Variants in UBXN4 observed in about 807,000 individuals in gnomAD.
The protein encoded by UBXN4 is UBX domain-containing protein 4.
UBXN4 carries 35 observed loss-of-function variants against 66.2 expected under a neutral mutation model. The observed-to-expected ratio is 0.53, with a 90% confidence interval of 0.40 to 0.70. The LOEUF (loss-of-function observed/expected upper bound fraction) is 0.70. UBXN4 is among the 30% of genes least tolerant of loss of function. The pLI, the probability that UBXN4 is intolerant of heterozygous loss-of-function variation, is 0.00. For missense variants in UBXN4, 533 were observed against 599.8 expected, an observed-to-expected ratio of 0.89 and a Z score of 1.16; for synonymous variants, 203 against 204.5, an observed-to-expected ratio of 0.99 and a Z score of 0.06.
chr2:135,755,014 C>A (rs536973916), intron 4 of UBXN4, among the ~76,000 whole-genome samples: 2 of 152,236 alleles, frequency 1.3e-5, no homozygotes, highest in South Asian at 4.1e-4. Flanking sequence ...GAACTCCTGA[C>A]CTCAAGTGAT....
At chr2:135,745,098 T>C (rs1201574004) in intron 1 of UBXN4, among the ~76,000 whole-genome samples, 2 of 152,210 alleles carry the variant, frequency 1.3e-5, no homozygotes, top group Non-Finnish European at 2.9e-5. Context: ...TTCTCAAGCC[T>C]AAACGTGTAA....
chr2:135,747,696 G>A (rs747861116), intron 1 of UBXN4: 2 of 456,122 alleles, frequency 4.4e-6, no homozygotes. Flanking sequence ...GTGCAGTGGT[G>A]CAATCTCCGC....
At chr2:135,768,285 G>A (rs923696378) in intron 6 of UBXN4, among the ~76,000 whole-genome samples, 21 of 151,788 alleles carry the variant, frequency 1.4e-4, no homozygotes, top group Non-Finnish European at 2.6e-4. Context: ...TGCAACCTCC[G>A]CCCCCCAGGT....
At chr2:135,772,317 T>C in intron 8 of UBXN4, 103 bp from the exon 9 acceptor site, 2 of 1,393,006 alleles carry the variant, frequency 1.4e-6, no homozygotes, top group South Asian at 1.3e-5. Flanking sequence ...AGCAAGACCC[T>C]GTCTCTTAAT....
At chr2:135,753,432 G>A (rs1169936409) in intron 2 of UBXN4, 107 bp from the exon 3 acceptor site, 8 of 900,478 alleles carry the variant, frequency 8.9e-6, no homozygotes, top group Middle Eastern at 4.9e-4. Context: ...GAAACTGGTA[G>A]TTGCAGGAAA....
chr2:135,750,956 C>T (rs1221602548), intron 2 of UBXN4, among the ~76,000 whole-genome samples: 2 of 144,254 alleles, frequency 1.4e-5, no homozygotes, highest in African/African-American at 2.6e-5. Context: ...CCCGGGTTCA[C>T]GCCATTCTCC....
chr2:135,779,838 A>G (rs2077438588), intron 11 of UBXN4, among the ~76,000 whole-genome samples: 1 of 144,870 alleles, frequency 6.9e-6, no homozygotes, highest in South Asian at 2.1e-4. Context: ...ACAATTATAT[A>G]CAATTATTAT....
At chr2:135,744,569 T>C (rs1453943537) in intron 1 of UBXN4, among the ~76,000 whole-genome samples, 1 of 152,192 alleles carries the variant, frequency 6.6e-6, no homozygotes, top group Non-Finnish European at 1.5e-5. Context: ...GACGCCATTT[T>C]CTGCCTTTTT....
Position 135,761,850 on chromosome 2 carries a change from C to G in UBXN4, c.541C>G (p.Gln181Glu). The change falls in exon 6 of 13, where the codon CAG becomes GAG. Residue 181 changes from glutamine (Q) to glutamate (E), a missense_variant. Coordinates refer to ENST00000272638, the MANE Select transcript of UBXN4 (RefSeq NM_014607.4). ...AAGTGCAGGCCATGCCACTTCCTCT[C>G]AGGAGCCTAGTGGATGCTCAGATCA... ...GESAGHATSS[Q>E]EPSGCSDQRP... 1 of 1,613,434 alleles carries G rather than the reference C, an allele frequency of 6.2e-7. No homozygotes were observed. Among genetic ancestry groups the G allele is most frequent in the Non-Finnish European group, 8.5e-7 (1 of 1,179,804 alleles).
chr2:135,769,876 A>ATTGT (rs2105504603), intron 7 of UBXN4, 53 bp downstream of exon 7: 1 of 1,508,316 alleles, frequency 6.6e-7, no homozygotes, highest in Non-Finnish European at 9.0e-7. Flanking sequence ...TGAGGTTGTG[A>ATTGT]TTGATTATTC....
chr2:135,782,925 C>T lies in UBXN4; in HGVS notation c.*38C>T. On this transcript the variant is annotated 3_prime_UTR_variant, in exon 13 of 13. Transcript: ENST00000272638. ...AATATGTGCAATAATCATTGTTTCTCTTATGATTTAATTCAACTAAAATTC... is the reference window on the plus strand; with the variant it reads ...AATATGTGCAATAATCATTGTTTCTTTTATGATTTAATTCAACTAAAATTC... 1 of 1,567,910 alleles carries T rather than the reference C, an allele frequency of 6.4e-7. No individual in the cohort carries two copies. Among genetic ancestry groups the T allele is most frequent in the Non-Finnish European group, 8.7e-7 (1 of 1,155,862 alleles).
intron 8 of UBXN4, 42 bp downstream of exon 8, chr2:135,770,777 G>T: frequency 1.4e-6 from 2 of 1,418,592 alleles, no homozygotes; most frequent in Non-Finnish European, 1.8e-6. Flanking sequence ...CTGTTTTTCT[G>T]TGCACAGTAG....
intron 1 of UBXN4, chr2:135,742,423 G>A (rs1229079652): frequency 6.2e-6 from 1 of 161,606 alleles, no homozygotes; most frequent in Admixed American, 6.5e-5. Context: ...CTCCCCGCTC[G>A]GGGCGACGGA....
chr2:135,752,757 G>T (rs1176446383), intron 2 of UBXN4, among the ~76,000 whole-genome samples: 1 of 152,132 alleles, frequency 6.6e-6, no homozygotes, highest in Non-Finnish European at 1.5e-5. Flanking sequence ...GTCTCACTCT[G>T]TTGCCCAGGC....
chr2:135,763,969 A>G (rs553531570), intron 6 of UBXN4, among the ~76,000 whole-genome samples: 1 of 152,046 alleles, frequency 6.6e-6, no homozygotes, highest in East Asian at 1.9e-4. Context: ...TACTAGAAAA[A>G]TACAAAAATT....
Position 135,741,926 on chromosome 2 carries a change from A to T in UBXN4, c.-4A>T. 6.2e-7 allele frequency: 1 copy of T among 1,611,420 alleles called. No homozygotes were observed. The highest frequency in any genetic ancestry group is 8.5e-7 in the Non-Finnish European group (1 of 1,179,004). ...CGAGCGAGCGCCTGGGCCCGAAGGG[A>T]GCGATGCTGTGGTTCCAGGGCGCCA... On this transcript the variant is annotated 5_prime_UTR_variant, in exon 1 of 13. Coordinates refer to ENST00000272638, the MANE Select transcript of UBXN4 (RefSeq NM_014607.4).
intron 6 of UBXN4, 40 bp downstream of exon 6, chr2:135,761,951 GAC>G: frequency 6.4e-7 from 1 of 1,566,980 alleles, no homozygotes; most frequent in Non-Finnish European, 8.7e-7. Context: ...TGTTTAAAAA[GAC>G]AGTGGTTTTC....
chr2:135,748,619 T>A (rs2077223588), intron 2 of UBXN4, among the ~76,000 whole-genome samples: 1 of 150,926 alleles, frequency 6.6e-6, no homozygotes, highest in South Asian at 2.1e-4. Flanking sequence ...TCCTGCTACT[T>A]GGGAGGCTGA....
chr2:135,773,859 A>G (rs2077397506), intron 9 of UBXN4, among the ~76,000 whole-genome samples: 1 of 152,212 alleles, frequency 6.6e-6, no homozygotes, highest in Non-Finnish European at 1.5e-5. Context: ...AAAAATGACA[A>G]AACATTGTTG....
Sources: allele counts gnomAD v4.1 joint callset (sites outside exome capture counted in the v4.1 genomes callset), GRCh38; gene constraint gnomAD v4.1.1; transcripts MANE v1.5; gene names NCBI Gene and HGNC (gene_info 2026-07-23, HGNC 2026-07-21).